The following FBXL20 variants were observed in gnomAD, a reference collection of about 807,000 sequenced individuals.
FBXL20 encodes the protein F-box/LRR-repeat protein 20.
In FBXL20, 11 loss-of-function variants were observed where a neutral mutation model predicts 64.0. The ratio of observed to expected loss-of-function variants is 0.17; its 90% CI spans 0.11 to 0.28. The LOEUF (loss-of-function observed/expected upper bound fraction) is 0.28, where lower values mean the gene tolerates loss of function less well. Ranked by LOEUF, FBXL20 falls within the 10% of genes least tolerant of loss-of-function variation. The pLI is 1.00. For missense variants in FBXL20, 303 were observed against 526.2 expected (o/e 0.58, Z 4.15); for synonymous variants, 184 against 189.0 (o/e 0.97, Z 0.22).
intron 1 of FBXL20, among the ~76,000 whole-genome samples, chr17:39,357,782 T>A (rs2047756783): frequency 6.6e-6 from 1 of 152,234 alleles, no homozygotes; most frequent in Non-Finnish European, 1.5e-5. Context: ...CCTCTGAAAT[T>A]AACTTCTGCT....
At chr17:39,352,981 T>C (rs948741418) in intron 1 of FBXL20, among the ~76,000 whole-genome samples, 21 of 152,184 alleles carry the variant, frequency 1.4e-4, no homozygotes, top group African/African-American at 5.1e-4. Flanking sequence ...AGAGAGGTTA[T>C]GTCCTTTTTC....
At chr17:39,276,732 C>T (rs2046899565) in intron 9 of FBXL20, among the ~76,000 whole-genome samples, 1 of 152,134 alleles carries the variant, frequency 6.6e-6, no homozygotes, top group Non-Finnish European at 1.5e-5. Flanking sequence ...TAAATAATAT[C>T]TGGTTGTTTT....
chr17:39,284,124 T>C (rs2046969691), intron 7 of FBXL20, among the ~76,000 whole-genome samples: 1 of 152,226 alleles, frequency 6.6e-6, no homozygotes, highest in South Asian at 2.1e-4. Flanking sequence ...CGGTTACATC[T>C]CATGGTTGCA....
Position 39,265,377 on chromosome 17 carries a change from G to C in FBXL20, c.990+20C>G. ...TGATTAAACCCAGTAAACACATAAA[G>C]TTTTCAAAGTTAAACTCACCAATAC... On this transcript the variant is annotated intron_variant, in intron 13 of 14. Coordinates refer to ENST00000264658, the MANE Select transcript of FBXL20 (RefSeq NM_032875.3). The C allele has an allele frequency of 1.3e-6, 2 of 1,593,938 alleles. No homozygotes were observed. Among genetic ancestry groups the C allele is most frequent in the Middle Eastern group, 1.7e-4 (1 of 6,016 alleles).
chr17:39,372,274 A>C (rs1265715998), intron 1 of FBXL20, among the ~76,000 whole-genome samples: 2 of 151,874 alleles, frequency 1.3e-5, no homozygotes, highest in African/African-American at 4.8e-5. Context: ...TAATCCCAGC[A>C]CTTTGGGAGG....
chr17:39,385,089 G>C (rs1482893671), intron 1 of FBXL20, among the ~76,000 whole-genome samples: 2 of 152,210 alleles, frequency 1.3e-5, no homozygotes, highest in Non-Finnish European at 2.9e-5. Flanking sequence ...ATGCATGGTG[G>C]TGCATGCCTG....
intron 2 of FBXL20, among the ~76,000 whole-genome samples, chr17:39,341,470 A>G (rs1032190420): frequency 1.3e-5 from 2 of 152,260 alleles, no homozygotes; most frequent in African/African-American, 2.4e-5. Flanking sequence ...GGCAGAGGTC[A>G]TGCTGGAAAA....
intron 2 of FBXL20, among the ~76,000 whole-genome samples, chr17:39,304,300 T>C (rs1010020591): frequency 1.3e-5 from 2 of 152,130 alleles, no homozygotes; most frequent in Non-Finnish European, 2.9e-5. Context: ...TGTTTTGTCT[T>C]GTCTGAAGAC....
intron 2 of FBXL20, among the ~76,000 whole-genome samples, chr17:39,311,422 C>CT (rs1228547138): frequency 6.6e-6 from 1 of 151,932 alleles, no homozygotes; most frequent in Non-Finnish European, 1.5e-5. Flanking sequence ...TATTAAGACT[C>CT]TTTTTTCTTT....
chr17:39,307,621 C>A (rs1158199450), intron 2 of FBXL20, among the ~76,000 whole-genome samples: 2 of 152,088 alleles, frequency 1.3e-5, no homozygotes, highest in African/African-American at 2.4e-5. Flanking sequence ...TATTAGCATT[C>A]CCATCTTATA....
chr17:39,280,235 C>CAAAAAA (rs35241441), intron 9 of FBXL20, among the ~76,000 whole-genome samples: 1 of 105,414 alleles, frequency 9.5e-6, no homozygotes, highest in South Asian at 3.0e-4. Flanking sequence ...GACTCCGTCT[C>CAAAAAA]AAAAAAAAAA....
intron 1 of FBXL20, among the ~76,000 whole-genome samples, chr17:39,394,552 C>T (rs2048164758): frequency 6.6e-6 from 1 of 150,426 alleles, no homozygotes; most frequent in Non-Finnish European, 1.5e-5. Flanking sequence ...GCTGAGATTA[C>T]AGAATTTTTC....
chr17:39,289,998 CAA>C (rs368530587), intron 6 of FBXL20, among the ~76,000 whole-genome samples: 7 of 41,874 alleles, frequency 1.7e-4, no homozygotes, highest in Non-Finnish European at 3.4e-4. Flanking sequence ...GACTCAGTCT[CAA>C]AAAAAAAAAA....
At chr17:39,290,668 G>A (rs950148215) in intron 6 of FBXL20, among the ~76,000 whole-genome samples, 3 of 151,926 alleles carry the variant, frequency 2.0e-5, no homozygotes, top group Non-Finnish European at 4.4e-5. Flanking sequence ...GGACCCAAGC[G>A]ATCCTCCCAC....
Position 39,261,376 on chromosome 17 carries a change from G to C in FBXL20, c.*84C>G. The C allele has an allele frequency of 9.1e-7, 1 of 1,093,958 alleles. No individual in the cohort carries two copies. Among genetic ancestry groups the C allele is most frequent in the Admixed American group, 1.7e-5 (1 of 58,890 alleles). 67.8% of individuals were successfully genotyped at this position (1,093,958 alleles called of 1,614,324 possible). A position where few individuals can be genotyped will look rare whatever the true frequency, so the allele number is the denominator to read the frequency against. ...TTTGTAACCCTTGCTCAGAACACTGGGGTTGCTTCCACTGGAGAGACTCCA... is the reference window on the plus strand; with the variant it reads ...TTTGTAACCCTTGCTCAGAACACTGCGGTTGCTTCCACTGGAGAGACTCCA... On this transcript the variant is annotated 3_prime_UTR_variant, in exon 15 of 15. Transcript: ENST00000264658.
At chr17:39,263,898 C>A (rs1440899089) in intron 14 of FBXL20, 26 of 168,692 alleles carry the variant, frequency 1.5e-4, no homozygotes, top group East Asian at 3.9e-4. Context: ...TTTCTTCAAT[C>A]TGGGAATGTT....
At chr17:39,395,207 C>G (rs1364076526) in intron 1 of FBXL20, among the ~76,000 whole-genome samples, 3 of 152,088 alleles carry the variant, frequency 2.0e-5, no homozygotes, top group Admixed American at 1.3e-4. Context: ...GGCAGATCAC[C>G]TGAGGTCAGA....
intron 1 of FBXL20, among the ~76,000 whole-genome samples, chr17:39,365,996 A>T (rs954767771): frequency 3.0e-4 from 46 of 151,920 alleles, no homozygotes; most frequent in African/African-American, 9.7e-4. Flanking sequence ...AATTTAAAAA[A>T]ATTTTTTTTT....
intron 2 of FBXL20, among the ~76,000 whole-genome samples, chr17:39,327,671 C>A (rs1272755436): frequency 1.3e-5 from 2 of 152,118 alleles, no homozygotes; most frequent in African/African-American, 2.4e-5. Context: ...AAAAAAAATA[C>A]ATCTACAACC....
Sources: allele counts gnomAD v4.1 joint callset (sites outside exome capture counted in the v4.1 genomes callset), GRCh38; gene constraint gnomAD v4.1.1; transcripts MANE v1.5; gene names NCBI Gene and HGNC (gene_info 2026-07-23, HGNC 2026-07-21).